The following CBR1 variants were observed in gnomAD, a reference collection of about 807,000 sequenced individuals.
CBR1 encodes the protein carbonyl reductase 1, also known as carbonyl reductase [NADPH] 1.
CBR1 carries 11 observed loss-of-function variants against 10.6 expected under a neutral mutation model. That is an observed-to-expected ratio of 1.03 (90% CI 0.65 to 1.71). The LOEUF is 1.71. Among genes scored for constraint, CBR1 ranks in the 40% most tolerant of loss-of-function variants. CBR1 has a pLI of 0.00. For synonymous variants in CBR1, 158 were observed against 156.7 expected, an observed-to-expected ratio of 1.01 and a Z score of -0.06; for missense variants, 361 against 368.6, an observed-to-expected ratio of 0.98 and a Z score of 0.17.
Position 36,073,096 on chromosome 21 carries a change from A to G in CBR1, c.*214A>G. On this transcript the variant is annotated 3_prime_UTR_variant, in exon 3 of 3. Transcript: ENST00000290349. ...TTTGTGATTTCCTCTGATGCAGGAG[A>G]GGAAAAATTGTAATTGATGAAAATA... The G allele has an allele frequency of 4.6e-6, 2 of 435,910 alleles. No individual in the cohort carries two copies. Among genetic ancestry groups the G allele is most frequent in the Non-Finnish European group, 8.1e-6 (2 of 247,000 alleles). The allele number at this position is 435,910 out of a possible 1,614,324, so 27.0% of individuals were successfully genotyped here. A position where few individuals can be genotyped will look rare whatever the true frequency, so the allele number is the denominator to read the frequency against.
Position 36,070,350 on chromosome 21 carries a change from A to G in CBR1, c.235A>G (p.Lys79Glu). Residue 79 changes from lysine to glutamate, a missense_variant, in exon 1 of 3, where the codon AAG (lysine) becomes GAG (glutamate). Coordinates refer to ENST00000290349, the MANE Select transcript of CBR1 (RefSeq NM_001757.4). ...SIRALRDFLR[K>E]EYGGLDVLVN... is the part of the protein sequence containing the mutation. The stretch of plus-strand genomic sequence containing the variant: ...CCGCGCCCTGCGCGACTTCCTGCGC[A>G]AGGAGTACGGGGGCCTGGACGTGCT... 6.2e-7 allele frequency: 1 copy of G among 1,613,208 alleles called. No homozygotes were observed. Among genetic ancestry groups the G allele is most frequent in the Non-Finnish European group, 8.5e-7 (1 of 1,179,850 alleles).
intron 2 of CBR1, chr21:36,072,195 G>A (rs978073606): frequency 6.4e-7 from 1 of 1,550,474 alleles, no homozygotes; most frequent in Non-Finnish European, 8.7e-7. Flanking sequence ...CTAAGGCTCT[G>A]GTTCACCAGG....
Position 36,070,979 on chromosome 21 carries a change from G to T in CBR1, c.319G>T (p.Ala107Ser). The stretch of plus-strand genomic sequence containing the variant: ...TGATCCCACACCCTTTCATATTCAA[G>T]CTGAAGTGACGATGAAAACAAATTT... ...VADPTPFHIQ[A>S]EVTMKTNFFG... The change falls in exon 2 of 3, where the codon GCT becomes TCT. Residue 107 changes from alanine (A) to serine (S), a missense_variant. By Grantham distance (99) the Ala-to-Ser change is moderately conservative (BLOSUM62 1). Transcript: ENST00000290349. 6.2e-7 allele frequency: 1 copy of T among 1,612,162 alleles called. No homozygotes were observed. Among genetic ancestry groups the T allele is most frequent in the Non-Finnish European group, 8.5e-7 (1 of 1,179,526 alleles).
chr21:36,070,856 T>G (rs2065346538), intron 1 of CBR1, 94 bp from the exon 2 acceptor site: 1 of 606,314 alleles, frequency 1.6e-6, no homozygotes, highest in Non-Finnish European at 2.6e-6. Flanking sequence ...GCACTAAGTT[T>G]TTTTTTTTTT....
chr21:36,071,757 T>C (rs1026583785), intron 2 of CBR1: 43 of 1,251,676 alleles, frequency 3.4e-5, no homozygotes, highest in Admixed American at 1.6e-4. Context: ...CTCTGGACAA[T>C]TGCAAACCCT....
chr21:36,070,496 G>GTT, intron 1 of CBR1, 92 bp downstream of exon 1: 1 of 1,300,936 alleles, frequency 7.7e-7, no homozygotes. Flanking sequence ...CTAGGGAGGA[G>GTT]AGGGAGGAGC....
In CBR1 at chr21:36,070,031, A is replaced by C; in HGVS notation, c.-85A>C. The C allele has an allele frequency of 2.4e-5, 33 of 1,383,560 alleles. No individual in the cohort carries two copies. The highest frequency in any genetic ancestry group is 3.1e-5 in the Non-Finnish European group (33 of 1,061,758). The allele number at this position is 1,383,560 out of a possible 1,614,324, so 85.7% of individuals were successfully genotyped here. A position where few individuals can be genotyped will look rare whatever the true frequency, so the allele number is the denominator to read the frequency against. ...TGCGCGCCCACGACCGCCAGACTCGAGCAGTCTCTGGAACACGCTGCGGGG... is the reference window on the plus strand; with the variant it reads ...TGCGCGCCCACGACCGCCAGACTCGCGCAGTCTCTGGAACACGCTGCGGGG... On this transcript the variant is annotated 5_prime_UTR_variant, in exon 1 of 3. Coordinates refer to ENST00000290349, the MANE Select transcript of CBR1 (RefSeq NM_001757.4).
rs1008230848 is a variant in CBR1 at position 36,070,865 on chromosome 21, T to TGG, written c.290-85_290-84insGG. On this transcript the variant is annotated intron_variant, in intron 1 of 2. Transcript: ENST00000290349. ...CAGAGGGCACTAAGTTTTTTTTTTT[T>TGG]TTTTTTTTTTTTTTTAGTATCATTG... 51 of 660,348 alleles carry TGG rather than the reference T, an allele frequency of 7.7e-5. No homozygotes were observed. The Middle Eastern group carries it at 1.1e-3, about 14-fold the overall frequency. 40.9% of individuals were successfully genotyped at this position (660,348 alleles called of 1,614,324 possible).
chr21:36,072,984 A>T lies in CBR1; in HGVS notation c.*102A>T. 2.6e-6 allele frequency: 2 copies of T among 773,448 alleles called. No homozygotes were observed. Among genetic ancestry groups the T allele is most frequent in the Non-Finnish European group, 4.0e-6 (2 of 495,436 alleles). The allele number at this position is 773,448 out of a possible 1,614,324, so 47.9% of individuals were successfully genotyped here. On this transcript the variant is annotated 3_prime_UTR_variant, in exon 3 of 3. Transcript: ENST00000290349. ...ATAAATATCCTTATATAAGAAAAAA[A>T]ATGATCTCTTATCAATTAGCACTCA...
Position 36,070,318 on chromosome 21 carries a change from A to C in CBR1, c.203A>C (p.Gln68Pro). Reference sequence around the variant, plus strand: ...CACCAGCTGGACATCGACGATCTGCAGAGCATCCGCGCCCTGCGCGACTTC... The same window carrying C: ...CACCAGCTGGACATCGACGATCTGCCGAGCATCCGCGCCCTGCGCGACTTC... ...RFHQLDIDDL[Q>P]SIRALRDFLR... Residue 68 changes from glutamine (Q) to proline (P), a missense_variant, in exon 1 of 3, where the codon CAG becomes CCG. Gln to Pro is a moderately conservative substitution (Grantham distance 76, BLOSUM62 -1). Coordinates refer to ENST00000290349, the MANE Select transcript of CBR1 (RefSeq NM_001757.4). 1 of 1,613,346 alleles carries C rather than the reference A, an allele frequency of 6.2e-7. No homozygotes were observed. The highest frequency in any genetic ancestry group is 8.5e-7 in the Non-Finnish European group (1 of 1,179,970).
In CBR1 at chr21:36,072,550, C is replaced by G; in HGVS notation, c.502C>G (p.Leu168Val). ...CAGTGAGACCATCACTGAGGAGGAG[C>G]TGGTGGGGCTCATGAACAAGTTTGT... ...FRSETITEEELVGLMNKFVED... is the reference protein window; with the variant it reads ...FRSETITEEEVVGLMNKFVED... The change falls in exon 3 of 3, where the codon CTG (leucine) becomes GTG (valine). Residue 168 changes from leucine to valine, a missense_variant. Leu to Val is a conservative substitution (Grantham distance 32). Coordinates refer to ENST00000290349, the MANE Select transcript of CBR1 (RefSeq NM_001757.4). The G allele has an allele frequency of 1.2e-6, 2 of 1,600,346 alleles. No homozygotes were observed. The highest frequency in any genetic ancestry group is 2.2e-5 in the East Asian group (1 of 44,738).
At position 36,070,092 on chromosome 21, in the gene CBR1, G is replaced by T; in HGVS notation, c.-24G>T. On this transcript the variant is annotated 5_prime_UTR_variant, in exon 1 of 3. Transcript: ENST00000290349. ...TGAGCCAGGTCTGTTCTCCACGCAG[G>T]TGTTCCGCGCGCCCCGTTCAGCCAT... is the stretch of plus-strand genomic sequence containing the variant. The T allele has an allele frequency of 2.0e-6, 3 of 1,479,526 alleles. No homozygotes were observed. Among genetic ancestry groups the T allele is most frequent in the Non-Finnish European group, 2.7e-6 (3 of 1,111,158 alleles). 91.6% of individuals were successfully genotyped at this position (1,479,526 alleles called of 1,614,324 possible). A position where few individuals can be genotyped will look rare whatever the true frequency, so the allele number is the denominator to read the frequency against.
chr21:36,070,479 C>T (rs2123835137), intron 1 of CBR1, 75 bp downstream of exon 1: 1 of 1,438,580 alleles, frequency 7.0e-7, no homozygotes, highest in Non-Finnish European at 9.3e-7. Flanking sequence ...GGGTCCATAA[C>T]GCCTCCCTAG....
At chr21:36,070,770 A>G (rs1361516812) in intron 1 of CBR1, among the ~76,000 whole-genome samples, 180 bp from the exon 2 acceptor site, 1 of 151,994 alleles carries the variant, frequency 6.6e-6, no homozygotes, top group Admixed American at 6.5e-5. Flanking sequence ...TTACAAAAAT[A>G]CTAGAACATG....
intron 1 of CBR1, 65 bp from the exon 2 acceptor site, chr21:36,070,885 T>A: frequency 5.8e-6 from 5 of 855,320 alleles, no homozygotes; most frequent in Non-Finnish European, 9.2e-6. Context: ...TTTTTTAGTA[T>A]CATTGTATAG....
At chr21:36,070,568 T>G in intron 1 of CBR1, 164 bp downstream of exon 1, 1 of 687,360 alleles carries the variant, frequency 1.5e-6, no homozygotes, top group Non-Finnish European at 2.3e-6. Flanking sequence ...CAAAGGGAAC[T>G]TTGTGTTTCC....
chr21:36,072,484 G>A lies in CBR1; in HGVS notation c.436G>A (p.Ala146Thr), dbSNP rs199962768. Residue 146 changes from alanine (A) to threonine (T), a missense_variant, in exon 3 of 3, where the codon GCC becomes ACC. Transcript: ENST00000290349. ...VNVSSIMSVR[A>T]LKSCSPELQQ... Reference sequence around the variant, plus strand: ...CGTATCTAGCATCATGAGCGTCAGAGCCCTTAAAAGCTGCAGCCCAGAGCT... The same window carrying A: ...CGTATCTAGCATCATGAGCGTCAGAACCCTTAAAAGCTGCAGCCCAGAGCT... The A allele has an allele frequency of 6.2e-7, 1 of 1,613,710 alleles. No individual in the cohort carries two copies. Among genetic ancestry groups the A allele is most frequent in the African/African-American group, 1.3e-5 (1 of 75,012 alleles).
At chr21:36,070,444 T>A in intron 1 of CBR1, 40 bp downstream of exon 1, 1 of 1,541,376 alleles carries the variant, frequency 6.5e-7, no homozygotes, top group Non-Finnish European at 8.7e-7. Context: ...GAAGAACCGA[T>A]GCACTGGGGC....
chr21:36,072,342 C>G (rs1395691254), intron 2 of CBR1, 104 bp from the exon 3 acceptor site: 5 of 1,602,184 alleles, frequency 3.1e-6, no homozygotes, highest in Admixed American at 3.5e-5. Flanking sequence ...GTAACTGTCT[C>G]TCATATGAAA....
Sources: gnomAD v4.1 joint callset for allele counts (sites outside exome capture counted in the v4.1 genomes callset) on GRCh38, gnomAD v4.1.1 for gene constraint, MANE v1.5 for transcripts, NCBI Gene and HGNC (gene_info 2026-07-23, HGNC 2026-07-21) for gene names.